Variants in DLGAP2 observed in about 807,000 individuals in gnomAD.
DLGAP2 encodes the protein DLG associated protein 2.
DLGAP2 carries 26 observed loss-of-function variants against 100.3 expected under a neutral mutation model. The ratio of observed to expected loss-of-function variants is 0.26; its 90% confidence interval spans 0.19 to 0.36. The LOEUF (loss-of-function observed/expected upper bound fraction) is 0.36. Ranked by LOEUF, DLGAP2 falls within the 10% of genes least tolerant of loss-of-function variation. The pLI is 1.00. For synonymous variants in DLGAP2, 886 were observed against 630.1 expected (o/e 1.41, Z -6.08); for missense variants, 1,858 against 1,453.2 (o/e 1.28, Z -4.53).
At chr8:1,011,329 A>G (rs1179788802) in intron 2 of DLGAP2, among the ~76,000 whole-genome samples, 2 of 145,782 alleles carry the variant, frequency 1.4e-5, no homozygotes, top group Non-Finnish European at 3.0e-5. Context: ...CCCTGGAATG[A>G]GGGGTCTCAG....
intron 2 of DLGAP2, among the ~76,000 whole-genome samples, chr8:1,250,858 T>C (rs1799023666): frequency 1.3e-5 from 2 of 152,230 alleles, no homozygotes; most frequent in East Asian, 3.8e-4. Flanking sequence ...AGGCGCCAGG[T>C]AACGACGGGG....
At position 1,439,276 on chromosome 8, in the gene DLGAP2, A is replaced by C. The variant is rs186328664; in HGVS notation, c.107-62090A>C. 1.5e-3 allele frequency among the ~76,000 whole-genome samples: 222 copies of C among 152,276 alleles called. 2 individuals are homozygous for C. The highest frequency in any genetic ancestry group is 5.1e-3 in the African/African-American group (211 of 41,564). On this transcript the variant is annotated intron_variant, in intron 3 of 14. Transcript: ENST00000637795. Reference sequence around the variant, plus strand: ...CGTGGCAGCCGGGTTCTGATGGAAGAGGGAAGGGAAGGAGGGACAGAGGCT... The same window carrying C: ...CGTGGCAGCCGGGTTCTGATGGAAGCGGGAAGGGAAGGAGGGACAGAGGCT...
intron 12 of DLGAP2, among the ~76,000 whole-genome samples, chr8:1,684,140 C>A (rs547734232): frequency 6.7e-6 from 1 of 149,642 alleles, no homozygotes; most frequent in Non-Finnish European, 1.5e-5. Flanking sequence ...TGCCCCTACA[C>A]CCGGCTAATT....
chr8:1,257,601 G>T (rs1399609017), intron 2 of DLGAP2, among the ~76,000 whole-genome samples: 3 of 152,212 alleles, frequency 2.0e-5, no homozygotes, highest in African/African-American at 7.2e-5. Flanking sequence ...TCTCCTCTGT[G>T]GGCCCCGGGC....
intron 2 of DLGAP2, among the ~76,000 whole-genome samples, chr8:989,121 C>T (rs989391672): frequency 6.6e-6 from 1 of 152,214 alleles, no homozygotes; most frequent in Non-Finnish European, 1.5e-5. Flanking sequence ...AGTGCAGTCC[C>T]AGCCTTCAGC....
rs773022297 is a variant in DLGAP2 at position 1,549,342 on chromosome 8, T to C, written c.889T>C (p.Trp297Arg). The C allele has an allele frequency of 1.9e-6, 3 of 1,613,252 alleles. No individual in the cohort carries two copies. The Admixed American group carries it at 5.0e-5, about 27-fold the overall frequency. Reference protein sequence around the residue: ...GKPRPGMSSWWSSDDNLDSDS... With the variant: ...GKPRPGMSSWRSSDDNLDSDS... Reference sequence around the variant, plus strand: ...GCCCCGGCCCGGCATGAGCAGCTGGTGGAGCTCGGACGACAACCTGGACAG... The same window carrying C: ...GCCCCGGCCCGGCATGAGCAGCTGGCGGAGCTCGGACGACAACCTGGACAG... The change falls in exon 5 of 15, where the codon TGG (tryptophan) becomes CGG (arginine). Residue 297 changes from tryptophan to arginine, a missense_variant. Trp to Arg is a moderately radical substitution (Grantham distance 101, BLOSUM62 -3). Coordinates refer to ENST00000637795, the MANE Select transcript of DLGAP2 (RefSeq NM_001346810.2).
At chr8:1,270,808 G>GTGTGTGTGTGTCTACCTCTC (rs1389179259) in intron 3 of DLGAP2, among the ~76,000 whole-genome samples, 2 of 151,510 alleles carry the variant, frequency 1.3e-5, no homozygotes, top group African/African-American at 2.4e-5. Context: ...GTGTCTCTGT[G>GTGTGTGTGTGTCTACCTCTC]TGTGTGTGTG....
intron 3 of DLGAP2, among the ~76,000 whole-genome samples, chr8:1,286,310 C>A (rs1799920270): frequency 6.6e-6 from 1 of 152,200 alleles, no homozygotes; most frequent in South Asian, 2.1e-4. Context: ...AATTAAACTT[C>A]TTTACTTTAT....
At chr8:953,347 C>G (rs1584919672) in intron 2 of DLGAP2, among the ~76,000 whole-genome samples, 2 of 152,270 alleles carry the variant, frequency 1.3e-5, no homozygotes, top group Middle Eastern at 3.4e-3. Context: ...ACACTTGTCA[C>G]CACGCCCGGC....
At chr8:1,511,327 C>T (rs11779856) in intron 4 of DLGAP2, among the ~76,000 whole-genome samples, 3,094 of 120,118 alleles carry the variant, frequency 0.026, 15 homozygotes, top group Non-Finnish European at 0.028. Context: ...GTAGGACAAT[C>T]AGTAGATGAC....
intron 3 of DLGAP2, among the ~76,000 whole-genome samples, chr8:1,287,287 TTA>T (rs1799947143): frequency 2.2e-4 from 19 of 86,460 alleles, no homozygotes; most frequent in East Asian, 2.9e-4. Flanking sequence ...TGTGTGGTTG[TTA>T]GGAGGGGAAC....
At chr8:1,317,687 T>TC (rs1800792557) in intron 3 of DLGAP2, among the ~76,000 whole-genome samples, 1 of 131,272 alleles carries the variant, frequency 7.6e-6, no homozygotes, top group Non-Finnish European at 1.6e-5. Flanking sequence ...GCAGCGTCTC[T>TC]CCAACAGTGG....
intron 6 of DLGAP2, among the ~76,000 whole-genome samples, chr8:1,593,811 C>G (rs144261475): frequency 6.6e-6 from 1 of 152,288 alleles, no homozygotes; most frequent in East Asian, 1.9e-4. Context: ...TAGATCCTCT[C>G]CCTCCTCAGC....
intron 1 of DLGAP2, among the ~76,000 whole-genome samples, chr8:759,378 G>A (rs1821018251): frequency 6.6e-6 from 1 of 152,012 alleles, no homozygotes; most frequent in Admixed American, 6.6e-5. Context: ...ATTGCCGTGT[G>A]GAGTCCATGG....
chr8:849,058 C>CAT (rs1563062084), intron 1 of DLGAP2, among the ~76,000 whole-genome samples: 3 of 151,386 alleles, frequency 2.0e-5, no homozygotes, highest in Non-Finnish European at 4.4e-5. Flanking sequence ...TAGGATGTGC[C>CAT]GTGTCTGTTC....
intron 3 of DLGAP2, among the ~76,000 whole-genome samples, chr8:1,442,695 T>G (rs6989849): frequency 0.023 from 1,392 of 59,990 alleles, 24 homozygotes; most frequent in African/African-American, 0.059. Flanking sequence ...TGTGGGTTCA[T>G]CCACTGGAGG....
intron 2 of DLGAP2, among the ~76,000 whole-genome samples, chr8:1,183,284 T>C (rs780579344): frequency 6.6e-6 from 1 of 151,942 alleles, no homozygotes; most frequent in Non-Finnish European, 1.5e-5. Context: ...CAGAATAATA[T>C]CAGTTCACAC....
At chr8:1,417,190 G>A (rs948878911) in intron 3 of DLGAP2, among the ~76,000 whole-genome samples, 1 of 81,286 alleles carries the variant, frequency 1.2e-5, no homozygotes, top group Admixed American at 1.1e-4. Flanking sequence ...TAGTGTCTGA[G>A]GCGGGGGAGA....
chr8:816,601 T>C (rs1444000813), intron 1 of DLGAP2, among the ~76,000 whole-genome samples: 1 of 152,172 alleles, frequency 6.6e-6, no homozygotes, highest in Non-Finnish European at 1.5e-5. Flanking sequence ...GTTAATCTGA[T>C]AGGTTTTCCT....
Sources: allele counts gnomAD v4.1 joint callset (sites outside exome capture counted in the v4.1 genomes callset), GRCh38; gene constraint gnomAD v4.1.1; transcripts MANE v1.5; gene names NCBI Gene and HGNC (gene_info 2026-07-23, HGNC 2026-07-21).